Variants in PTPRD observed in about 807,000 individuals in gnomAD.
PTPRD encodes the protein protein tyrosine phosphatase receptor type D.
Under a neutral mutation model 214.5 loss-of-function variants are expected in PTPRD, and 34 were observed. The ratio of observed to expected loss-of-function variants is 0.16; its 90% CI spans 0.12 to 0.21. PTPRD has a LOEUF of 0.21. Among genes scored for constraint, PTPRD ranks in the 10% least tolerant of loss-of-function variants. The probability of loss-of-function intolerance (pLI) is 1.00; values close to 1 mark genes in which losing one functional copy is unlikely to be tolerated. For missense variants in PTPRD, 2,545 were observed against 2,398.7 expected, an observed-to-expected ratio of 1.06 and a Z score of -1.27; for synonymous variants, 1,128 against 845.7, an observed-to-expected ratio of 1.33 and a Z score of -5.79.
intron 9 of PTPRD, among the ~76,000 whole-genome samples, chr9:9,383,455 A>T (rs1214144837): frequency 6.6e-6 from 1 of 152,136 alleles, no homozygotes; most frequent in Non-Finnish European, 1.5e-5. Context: ...GAACTTATTA[A>T]TTCTAGAATA....
At chr9:8,517,815 T>C (rs1420302786) in intron 21 of PTPRD, 33 bp downstream of exon 21, 1 of 1,572,282 alleles carries the variant, frequency 6.4e-7, no homozygotes, top group Non-Finnish European at 8.7e-7. Context: ...AGCCCTTCCC[T>C]CCTGCCCTAT....
At chr9:10,575,602 G>A (rs978082258) in intron 2 of PTPRD, among the ~76,000 whole-genome samples, 1 of 152,082 alleles carries the variant, frequency 6.6e-6, no homozygotes, top group African/African-American at 2.4e-5. Flanking sequence ...TAAAATGCAT[G>A]ACAGACAATT....
At chr9:9,459,005 G>C (rs2093371379) in intron 8 of PTPRD, among the ~76,000 whole-genome samples, 1 of 151,920 alleles carries the variant, frequency 6.6e-6, no homozygotes, top group Non-Finnish European at 1.5e-5. Context: ...CAGGTGAATG[G>C]TCATGCTTTA....
chr9:8,869,967 A>G (rs1452061147), intron 11 of PTPRD, among the ~76,000 whole-genome samples: 2 of 152,104 alleles, frequency 1.3e-5, no homozygotes, highest in African/African-American at 4.8e-5. Context: ...CTGTAATTAC[A>G]CGAAATTTGT....
At chr9:10,278,761 G>GA (rs1564973548) in intron 3 of PTPRD, among the ~76,000 whole-genome samples, 4 of 147,712 alleles carry the variant, frequency 2.7e-5, no homozygotes, top group African/African-American at 9.9e-5. Flanking sequence ...GTGGTAAAAG[G>GA]TTTTTTTTTT....
At chr9:8,662,763 C>T (rs947634298) in intron 12 of PTPRD, among the ~76,000 whole-genome samples, 8 of 152,092 alleles carry the variant, frequency 5.3e-5, no homozygotes, top group African/African-American at 1.4e-4. Context: ...ACTTTTATCC[C>T]GTACTAAAAT....
intron 11 of PTPRD, among the ~76,000 whole-genome samples, chr9:8,991,957 T>C (rs189797934): frequency 6.6e-6 from 1 of 152,122 alleles, no homozygotes; most frequent in Non-Finnish European, 1.5e-5. Flanking sequence ...CATAGTAATA[T>C]AGAATTGTGG....
chr9:9,377,440 A>G (rs2061085490), intron 9 of PTPRD, among the ~76,000 whole-genome samples: 1 of 152,096 alleles, frequency 6.6e-6, no homozygotes, highest in Non-Finnish European at 1.5e-5. Context: ...AAAAATAATA[A>G]TATTAATTTG....
chr9:9,388,057 G>A (rs1384618730), intron 9 of PTPRD, among the ~76,000 whole-genome samples: 2 of 152,048 alleles, frequency 1.3e-5, no homozygotes, highest in Non-Finnish European at 2.9e-5. Flanking sequence ...GATCACACGT[G>A]GGCTTGGGAA....
At chr9:10,188,267 T>G (rs983405726) in intron 3 of PTPRD, among the ~76,000 whole-genome samples, 1 of 152,154 alleles carries the variant, frequency 6.6e-6, no homozygotes, top group African/African-American at 2.4e-5. Context: ...AATTGGAAAT[T>G]AGTATTAAAG....
In PTPRD at chr9:8,484,239, C is replaced by T. The variant is rs2135774497; in HGVS notation, c.3293G>A (p.Arg1098Lys). 1 of 1,614,152 alleles carries T rather than the reference C, an allele frequency of 6.2e-7. No individual in the cohort carries two copies. The highest frequency in any genetic ancestry group is 8.5e-7 in the Non-Finnish European group (1 of 1,180,032). Reference protein sequence around the residue: ...RGNSAGGLQHRVTAKTAPDVL... With the variant: ...RGNSAGGLQHKVTAKTAPDVL... ...ATCTGGTGCAGTCTTTGCCGTGACC[C>T]TGTGCTGCAGCCCACCAGCACTGTT... The change falls in exon 30 of 46, where the codon AGG becomes AAG. Residue 1098 changes from arginine to lysine, a missense_variant. Arg to Lys is a conservative substitution (Grantham distance 26). Coordinates refer to ENST00000381196, the MANE Select transcript of PTPRD (RefSeq NM_002839.4).
At chr9:8,914,993 G>A (rs992895453) in intron 11 of PTPRD, among the ~76,000 whole-genome samples, 3 of 152,070 alleles carry the variant, frequency 2.0e-5, no homozygotes, top group African/African-American at 7.2e-5. Flanking sequence ...CACAAAACAT[G>A]TGCCAGAACC....
At chr9:8,417,182 C>T (rs7862508) in intron 35 of PTPRD, among the ~76,000 whole-genome samples, 29,262 of 151,864 alleles carry the variant, frequency 0.19, 3,764 homozygotes, top group East Asian at 0.52. Flanking sequence ...TATAATATAT[C>T]GTTAGATTCT....
chr9:9,433,250 T>A (rs1000684093), intron 8 of PTPRD, among the ~76,000 whole-genome samples: 20 of 152,188 alleles, frequency 1.3e-4, no homozygotes, highest in African/African-American at 3.9e-4. Flanking sequence ...GAAGTTTGTA[T>A]GTCATCAGGA....
intron 2 of PTPRD, among the ~76,000 whole-genome samples, chr9:10,490,291 T>G (rs1265413170): frequency 6.6e-6 from 1 of 152,222 alleles, no homozygotes; most frequent in African/African-American, 2.4e-5. Context: ...AGAGTATTTA[T>G]TTTATATTAA....
chr9:9,341,081 C>G (rs1316270589), intron 9 of PTPRD, among the ~76,000 whole-genome samples: 1 of 151,650 alleles, frequency 6.6e-6, no homozygotes, highest in Non-Finnish European at 1.5e-5. Flanking sequence ...AATTGTTTTT[C>G]AAATCAAGAA....
intron 8 of PTPRD, among the ~76,000 whole-genome samples, chr9:9,479,822 G>A (rs1242803284): frequency 6.6e-6 from 1 of 152,086 alleles, no homozygotes; most frequent in Non-Finnish European, 1.5e-5. Flanking sequence ...AAGCACTGGA[G>A]TTTTAAACAT....
In PTPRD at chr9:8,314,962, G is replaced by T. The variant is rs1044975267; in HGVS notation, c.*2912C>A. 4.3e-6 allele frequency: 1 copy of T among 232,160 alleles called. No individual in the cohort carries two copies. The highest frequency in any genetic ancestry group is 1.8e-4 in the South Asian group (1 of 5,528). The allele number at this position is 232,160 out of a possible 1,614,324, so 14.4% of individuals were successfully genotyped here. Reference sequence around the variant, plus strand: ...ATTTTTAAAAAAGAGCTAAAATAAAGTTCTGTACAAATCACTTTTTATATA... The same window carrying T: ...ATTTTTAAAAAAGAGCTAAAATAAATTTCTGTACAAATCACTTTTTATATA... On this transcript the variant is annotated 3_prime_UTR_variant, in exon 46 of 46. Transcript: ENST00000381196.
chr9:8,352,628 T>C (rs1311994517), intron 39 of PTPRD, among the ~76,000 whole-genome samples: 15 of 152,080 alleles, frequency 9.9e-5, no homozygotes. Flanking sequence ...GGCTTGTCAT[T>C]AGAAATATAA....
Sources: gnomAD v4.1 joint callset for allele counts (sites outside exome capture counted in the v4.1 genomes callset) on GRCh38, gnomAD v4.1.1 for gene constraint, MANE v1.5 for transcripts, NCBI Gene and HGNC (gene_info 2026-07-23, HGNC 2026-07-21) for gene names.